Variants in RCL1 observed in about 807,000 individuals in gnomAD.
The protein encoded by RCL1 is RNA terminal phosphate cyclase like 1, also known as RNA 3'-terminal phosphate cyclase-like protein.
A neutral mutation model predicts 42.4 loss-of-function variants in RCL1; 24 were observed. The ratio of observed to expected loss-of-function variants is 0.57; its 90% CI spans 0.41 to 0.80. The LOEUF (loss-of-function observed/expected upper bound fraction) is 0.80. Ranked by LOEUF, RCL1 falls within the 30% of genes least tolerant of loss-of-function variation. RCL1 has a pLI of 0.00. For missense variants in RCL1, 578 were observed against 467.9 expected (o/e 1.24, Z -2.17); for synonymous variants, 228 against 177.3 (o/e 1.29, Z -2.27).
At position 4,793,243 on chromosome 9, in the gene RCL1, C is replaced by A; in HGVS notation, c.136+16C>A. The stretch of plus-strand genomic sequence containing the variant: ...GGCCTCCGAGGTAACTTGGTGTGGG[C>A]GGCGCGCGGCGTGGGCGCGGGGGCT... On this transcript the variant is annotated intron_variant, in intron 1 of 8. Coordinates refer to ENST00000381750, the MANE Select transcript of RCL1 (RefSeq NM_005772.5). The A allele has an allele frequency of 1.9e-6, 3 of 1,577,828 alleles. No homozygotes were observed. The highest frequency in any genetic ancestry group is 2.6e-6 in the Non-Finnish European group (3 of 1,161,630).
intron 1 of RCL1, among the ~76,000 whole-genome samples, chr9:4,806,046 T>TG (rs1587696264): frequency 7.3e-4 from 52 of 71,272 alleles, no homozygotes; most frequent in East Asian, 2.3e-3. Flanking sequence ...GTGTGTGTGT[T>TG]TGTGTGTGTG....
chr9:4,829,709 C>CGGTGGTGGT (rs2131008584), intron 3 of RCL1, among the ~76,000 whole-genome samples: 2 of 152,086 alleles, frequency 1.3e-5, no homozygotes, highest in Non-Finnish European at 2.9e-5. Flanking sequence ...GCAGTGGTGG[C>CGGTGGTGGT]GGTGGTGGTG....
chr9:4,815,315 ATTTC>A (rs955368321), intron 1 of RCL1, among the ~76,000 whole-genome samples: 52 of 151,768 alleles, frequency 3.4e-4, no homozygotes, highest in Admixed American at 1.6e-3. Context: ...CTCATTTCTT[ATTTC>A]TTTGAGTAGG....
At chr9:4,829,402 A>G (rs1364669740) in intron 3 of RCL1, among the ~76,000 whole-genome samples, 2 of 152,136 alleles carry the variant, frequency 1.3e-5, no homozygotes, top group Admixed American at 6.5e-5. Context: ...GCAATAAAGG[A>G]TCATGATCGT....
Position 4,860,678 on chromosome 9 carries a change from A to C in RCL1, c.*403A>C, listed in dbSNP as rs1209066426. 6.0e-6 allele frequency: 1 copy of C among 167,392 alleles called. No homozygotes were observed. The highest frequency in any genetic ancestry group is 1.3e-5 in the Non-Finnish European group (1 of 78,864). The allele number at this position is 167,392 out of a possible 1,614,324, so 10.4% of individuals were successfully genotyped here. A position where few individuals can be genotyped will look rare whatever the true frequency, so the allele number is the denominator to read the frequency against. On this transcript the variant is annotated 3_prime_UTR_variant, in exon 9 of 9. Transcript: ENST00000381750. Reference sequence around the variant, plus strand: ...GGAGTCTGTTACTGTTCTTTCTGCAAGGACTCACCTCCTTGAGCCTTGGTT... The same window carrying C: ...GGAGTCTGTTACTGTTCTTTCTGCACGGACTCACCTCCTTGAGCCTTGGTT...
chr9:4,846,553 G>A (rs2129690549), intron 7 of RCL1, among the ~76,000 whole-genome samples: 1 of 141,754 alleles, frequency 7.1e-6, no homozygotes, highest in African/African-American at 2.7e-5. Context: ...CGAAGTTTGT[G>A]GTCTACTTAT....
At chr9:4,800,096 C>T (rs1014497652) in intron 1 of RCL1, among the ~76,000 whole-genome samples, 1 of 152,064 alleles carries the variant, frequency 6.6e-6, no homozygotes, top group Non-Finnish European at 1.5e-5. Flanking sequence ...AGTAGTATTT[C>T]ATGGTATGAA....
intron 1 of RCL1, among the ~76,000 whole-genome samples, chr9:4,814,505 C>T (rs984281009): frequency 5.3e-5 from 8 of 152,162 alleles, no homozygotes; most frequent in African/African-American, 1.9e-4. Context: ...TGGGCATGAT[C>T]ATCCTCCTGC....
chr9:4,855,419 G>A (rs1817918944), intron 8 of RCL1, among the ~76,000 whole-genome samples: 1 of 152,220 alleles, frequency 6.6e-6, no homozygotes. Flanking sequence ...TGAATCTCCA[G>A]TGTAGTGCTG....
At chr9:4,847,473 T>G (rs1388238231) in intron 7 of RCL1, among the ~76,000 whole-genome samples, 1 of 152,200 alleles carries the variant, frequency 6.6e-6, no homozygotes, top group Non-Finnish European at 1.5e-5. Context: ...CCAAGCCTTC[T>G]TGATTCTGTC....
intron 7 of RCL1, among the ~76,000 whole-genome samples, chr9:4,845,156 CA>C (rs1226525105): frequency 6.6e-6 from 1 of 152,096 alleles, no homozygotes; most frequent in Admixed American, 6.5e-5. Flanking sequence ...CTAGATTTTG[CA>C]ATGCATTCTA....
In RCL1 at chr9:4,826,982, C is replaced by A. The variant is rs1294029968; in HGVS notation, c.333C>A (p.His111Gln). 1.2e-6 allele frequency: 2 copies of A among 1,613,964 alleles called. No individual in the cohort carries two copies. Among genetic ancestry groups the A allele is most frequent in the Admixed American group, 1.7e-5 (1 of 60,004 alleles). The change falls in exon 3 of 9, where the codon CAC becomes CAA. Residue 111 changes from histidine to glutamine, a missense_variant. Transcript: ENST00000381750. ...SLLCLAPFMK[H>Q]PLKIVLRGVT... ...TTTGCTTGGCTCCATTTATGAAGCA[C>A]CCGTTAAAAATAGTTCTACGAGGAG...
chr9:4,850,225 G>A (rs372395019), intron 8 of RCL1: 8 of 496,304 alleles, frequency 1.6e-5, no homozygotes, highest in Non-Finnish European at 3.0e-5. Context: ...TGCATACTTG[G>A]AGATCATCAT....
intron 1 of RCL1, among the ~76,000 whole-genome samples, chr9:4,808,653 G>A (rs1816064003): frequency 1.3e-5 from 2 of 152,090 alleles, no homozygotes; most frequent in Non-Finnish European, 2.9e-5. Flanking sequence ...GGATAGAGAG[G>A]GATTACTTTC....
At chr9:4,793,410 G>A (rs909075816) in intron 1 of RCL1, among the ~76,000 whole-genome samples, 183 bp downstream of exon 1, 6 of 152,108 alleles carry the variant, frequency 3.9e-5, no homozygotes, top group Middle Eastern at 3.2e-3. Context: ...GCGGGGTCGG[G>A]GCCCGAGGGG....
intron 1 of RCL1, among the ~76,000 whole-genome samples, chr9:4,802,016 C>A (rs1175406801): frequency 6.6e-6 from 1 of 150,742 alleles, no homozygotes; most frequent in Non-Finnish European, 1.5e-5. Flanking sequence ...TCCAGCGATT[C>A]TCCTGTCTCA....
At chr9:4,839,894 C>T in intron 5 of RCL1, 1 of 985,432 alleles carries the variant, frequency 1.0e-6, no homozygotes, top group Non-Finnish European at 1.2e-6. Flanking sequence ...TGGGTGCCGG[C>T]TGGAGGGTTT....
At chr9:4,851,816 A>C (rs934535400) in intron 8 of RCL1, among the ~76,000 whole-genome samples, 3 of 150,928 alleles carry the variant, frequency 2.0e-5, no homozygotes, top group Non-Finnish European at 2.9e-5. Flanking sequence ...TGTCTATGTA[A>C]AGAGCATTGG....
Position 4,810,373 on chromosome 9 carries a change from T to G in RCL1, c.137-13175T>G, listed in dbSNP as rs143383672. Among the ~76,000 whole-genome samples the G allele has an allele frequency of 1.6e-3, 251 of 152,312 alleles. 3 individuals are homozygous for G. The highest frequency in any genetic ancestry group is 0.015 in the Admixed American group (222 of 15,298). On this transcript the variant is annotated intron_variant, in intron 1 of 8. Transcript: ENST00000381750. ...CCACTGCCAAGGTAAGCATTAAATT[T>G]TTAACACCATGGATTAGGTTTCTAA...
Sources: allele counts gnomAD v4.1 joint callset (sites outside exome capture counted in the v4.1 genomes callset), GRCh38; gene constraint gnomAD v4.1.1; transcripts MANE v1.5; gene names NCBI Gene and HGNC (gene_info 2026-07-23, HGNC 2026-07-21).